CYTH1: variants seen among roughly 807,000 people sequenced by gnomAD.
CYTH1 encodes the protein cytohesin-1.
In CYTH1, 18 loss-of-function variants were observed where a neutral mutation model predicts 61.8. That is an observed-to-expected ratio of 0.29 (90% CI 0.20 to 0.43). CYTH1 has a LOEUF of 0.43. Ranked by LOEUF, CYTH1 falls within the 20% of genes least tolerant of loss-of-function variation. The pLI, the probability that CYTH1 is intolerant of heterozygous loss-of-function variation, is 1.00. For synonymous variants in CYTH1, 174 were observed against 184.3 expected (o/e 0.94, Z 0.45); for missense variants, 336 against 510.5 (o/e 0.66, Z 3.29).
intron 1 of CYTH1, among the ~76,000 whole-genome samples, chr17:78,781,126 G>A (rs1255537475): frequency 6.6e-6 from 1 of 150,932 alleles, no homozygotes; most frequent in South Asian, 2.1e-4. Flanking sequence ...CTACGATCAC[G>A]CCACTGTGCT....
chr17:78,685,766 T>G (rs1298263032), intron 11 of CYTH1, among the ~76,000 whole-genome samples: 4 of 152,216 alleles, frequency 2.6e-5, no homozygotes, highest in Admixed American at 6.5e-5. Flanking sequence ...TTTCACATGT[T>G]TTCTTCAGGA....
intron 1 of CYTH1, among the ~76,000 whole-genome samples, chr17:78,739,448 T>C (rs1037129380): frequency 3.3e-5 from 5 of 152,152 alleles, no homozygotes; most frequent in Admixed American, 3.3e-4. Context: ...GAAGTGGAAG[T>C]GCAGTCAGGG....
At chr17:78,699,030 C>A (rs2092978485) in intron 7 of CYTH1, 62 bp from the exon 8 acceptor site, 1 of 1,564,954 alleles carries the variant, frequency 6.4e-7, no homozygotes, top group African/African-American at 1.4e-5. Flanking sequence ...AAACATCCCA[C>A]CCGCAAGAGC....
At chr17:78,760,403 A>ATG (rs1567879100) in intron 1 of CYTH1, among the ~76,000 whole-genome samples, 1 of 64,930 alleles carries the variant, frequency 1.5e-5, no homozygotes, top group African/African-American at 5.5e-5. Context: ...ATACATATAT[A>ATG]TATGTGTATA....
chr17:78,731,611 A>C (rs2144596514), intron 1 of CYTH1, among the ~76,000 whole-genome samples: 1 of 152,190 alleles, frequency 6.6e-6, no homozygotes, highest in African/African-American at 2.4e-5. Context: ...TACAAAAAAT[A>C]GCCGGGAGTG....
chr17:78,720,376 T>C (rs969460036), intron 1 of CYTH1, among the ~76,000 whole-genome samples: 1 of 152,190 alleles, frequency 6.6e-6, no homozygotes, highest in Non-Finnish European at 1.5e-5. Context: ...TGGAGTGCAC[T>C]GCCGCAACCT....
At chr17:78,752,709 G>A (rs959445596) in intron 1 of CYTH1, among the ~76,000 whole-genome samples, 4 of 152,150 alleles carry the variant, frequency 2.6e-5, no homozygotes, top group East Asian at 1.9e-4. Context: ...GATTACAGGC[G>A]TGAGCCACTG....
chr17:78,739,836 C>A (rs1481973766), intron 1 of CYTH1, among the ~76,000 whole-genome samples: 1 of 152,116 alleles, frequency 6.6e-6, no homozygotes, highest in African/African-American at 2.4e-5. Flanking sequence ...CAGGGTACAG[C>A]CAAGGATGTC....
Position 78,676,000 on chromosome 17 carries a change from A to G in CYTH1, c.*91T>C. ...AATCCAGGGCGGGGCCTGGCAGAGG[A>G]CGCTCTGCTCGGCAGCAGTGCATCC... On this transcript the variant is annotated 3_prime_UTR_variant, in exon 14 of 14. Transcript: ENST00000446868. 6.4e-7 allele frequency: 1 copy of G among 1,551,240 alleles called. No individual in the cohort carries two copies. Among genetic ancestry groups the G allele is most frequent in the Non-Finnish European group, 8.7e-7 (1 of 1,146,634 alleles).
At chr17:78,758,839 C>T (rs1261511411) in intron 1 of CYTH1, among the ~76,000 whole-genome samples, 2 of 152,182 alleles carry the variant, frequency 1.3e-5, no homozygotes, top group Admixed American at 6.5e-5. Flanking sequence ...TGTCACCCCA[C>T]GAGACTTGAG....
intron 1 of CYTH1, among the ~76,000 whole-genome samples, chr17:78,726,785 G>A (rs1467223842): frequency 6.6e-6 from 1 of 152,146 alleles, no homozygotes; most frequent in Non-Finnish European, 1.5e-5. Context: ...AGAGCAAGAA[G>A]CGGCAGCCAG....
chr17:78,782,231 G>A lies in CYTH1; in HGVS notation c.-8C>T, dbSNP rs1173148946. The A allele has an allele frequency of 1.5e-6, 2 of 1,324,828 alleles. No individual in the cohort carries two copies. Among genetic ancestry groups the A allele is most frequent in the Non-Finnish European group, 2.0e-6 (2 of 1,022,322 alleles). The allele number at this position is 1,324,828 out of a possible 1,614,324, so 82.1% of individuals were successfully genotyped here. On this transcript the variant is annotated 5_prime_UTR_variant, in exon 1 of 14. Transcript: ENST00000446868. ...GCTGTCGTCCTCCTCCATGGTGCGG[G>A]AGCCGGGCTCCGCGCTCCGGCTCGC...
chr17:78,716,286 G>A (rs1273142567), intron 1 of CYTH1, among the ~76,000 whole-genome samples: 1 of 152,090 alleles, frequency 6.6e-6, no homozygotes, highest in African/African-American at 2.4e-5. Context: ...TAGAGAGACA[G>A]GACATATAAG....
chr17:78,676,222 A>T (rs2092697159), intron 13 of CYTH1, 53 bp from the exon 14 acceptor site: 1 of 1,550,652 alleles, frequency 6.4e-7, no homozygotes, highest in East Asian at 2.3e-5. Context: ...AATCAGAAGA[A>T]ACACACCCAG....
At chr17:78,676,246 A>C in intron 13 of CYTH1, 77 bp from the exon 14 acceptor site, 254 of 1,454,096 alleles carry the variant, frequency 1.7e-4, no homozygotes, top group Middle Eastern at 3.8e-4. Context: ...GGGGATTCTC[A>C]GGGGCCCCTC....
At chr17:78,745,024 T>C (rs907839424) in intron 1 of CYTH1, among the ~76,000 whole-genome samples, 2 of 152,182 alleles carry the variant, frequency 1.3e-5, no homozygotes, top group Non-Finnish European at 2.9e-5. Context: ...ACCAGTTCCA[T>C]AACTTGCCAC....
chr17:78,682,498 T>C (rs554775701), intron 11 of CYTH1, among the ~76,000 whole-genome samples: 4 of 152,184 alleles, frequency 2.6e-5, no homozygotes, highest in Non-Finnish European at 4.4e-5. Flanking sequence ...TCTTCCCTCC[T>C]CTCTTGAAAC....
intron 11 of CYTH1, among the ~76,000 whole-genome samples, chr17:78,688,888 G>A (rs7225707): frequency 0.54 from 81,542 of 151,936 alleles, 22,039 homozygotes; most frequent in East Asian, 0.61. Context: ...AACTCTTGGC[G>A]TTTTCTTTAC....
intron 1 of CYTH1, among the ~76,000 whole-genome samples, chr17:78,771,356 C>A (rs2093470664): frequency 6.6e-6 from 1 of 152,162 alleles, no homozygotes; most frequent in African/African-American, 2.4e-5. Flanking sequence ...ATGAGAAATG[C>A]CTGAACCCAG....
Sources: gnomAD v4.1 joint callset for allele counts (sites outside exome capture counted in the v4.1 genomes callset) on GRCh38, gnomAD v4.1.1 for gene constraint, MANE v1.5 for transcripts, NCBI Gene and HGNC (gene_info 2026-07-23, HGNC 2026-07-21) for gene names.